The following STK32B variants were observed in gnomAD, a reference collection of about 807,000 sequenced individuals.
STK32B encodes the protein serine/threonine-protein kinase 32B.
Under a neutral mutation model 52.6 loss-of-function variants are expected in STK32B, and 43 were observed. The ratio of observed to expected loss-of-function variants is 0.82; its 90% confidence interval spans 0.64 to 1.05. The LOEUF (loss-of-function observed/expected upper bound fraction) is 1.05. Ranked by LOEUF, STK32B falls within the 50% of genes least tolerant of loss-of-function variation. The probability of loss-of-function intolerance (pLI) is 0.00; values close to 1 mark genes in which losing one functional copy is unlikely to be tolerated. For synonymous variants in STK32B, 238 were observed against 204.3 expected (o/e 1.17, Z -1.41); for missense variants, 621 against 534.6 (o/e 1.16, Z -1.59).
intron 3 of STK32B, among the ~76,000 whole-genome samples, chr4:5,291,413 G>A (rs1728885880): frequency 6.6e-6 from 1 of 151,966 alleles, no homozygotes. Flanking sequence ...ATCTTTTAAT[G>A]CTATTTTAAA....
At chr4:5,246,894 G>T (rs1725494264) in intron 3 of STK32B, among the ~76,000 whole-genome samples, 1 of 152,192 alleles carries the variant, frequency 6.6e-6, no homozygotes, top group Non-Finnish European at 1.5e-5. Context: ...AGTGGATATT[G>T]GTGAGCCGCA....
intron 11 of STK32B, among the ~76,000 whole-genome samples, chr4:5,498,505 C>A (rs1223292257): frequency 6.6e-6 from 1 of 152,074 alleles, no homozygotes; most frequent in Non-Finnish European, 1.5e-5. Context: ...CCAGAGGATC[C>A]CCTGCTCCTA....
At chr4:5,370,098 C>A (rs189540861) in intron 4 of STK32B, among the ~76,000 whole-genome samples, 3 of 151,718 alleles carry the variant, frequency 2.0e-5, no homozygotes, top group Non-Finnish European at 4.4e-5. Flanking sequence ...CTGTCTCGAA[C>A]TCCTGACCTC....
At chr4:5,350,044 A>T (rs1481497675) in intron 4 of STK32B, among the ~76,000 whole-genome samples, 1 of 152,350 alleles carries the variant, frequency 6.6e-6, no homozygotes, top group East Asian at 1.9e-4. Context: ...ATAGAGAAGG[A>T]AGGGAAATAA....
chr4:5,317,558 T>TATATATATAA (rs1200055898), intron 3 of STK32B, among the ~76,000 whole-genome samples: 1 of 122,874 alleles, frequency 8.1e-6, no homozygotes, highest in African/African-American at 3.6e-5. Flanking sequence ...TATATATATA[T>TATATATATAA]AACTTGAAAA....
intron 3 of STK32B, among the ~76,000 whole-genome samples, chr4:5,193,992 A>T (rs376543551): frequency 2.0e-5 from 3 of 152,252 alleles, no homozygotes; most frequent in African/African-American, 7.2e-5. Context: ...TTGGCTTTGC[A>T]CATGTTCTAT....
intron 3 of STK32B, among the ~76,000 whole-genome samples, chr4:5,241,330 A>G (rs1725005402): frequency 6.6e-6 from 1 of 152,160 alleles, no homozygotes; most frequent in Admixed American, 6.5e-5. Flanking sequence ...TCGTTGCCCC[A>G]TGTACCATTA....
At chr4:5,160,568 G>T (rs570739655) in intron 2 of STK32B, among the ~76,000 whole-genome samples, 1 of 152,130 alleles carries the variant, frequency 6.6e-6, no homozygotes, top group African/African-American at 2.4e-5. Flanking sequence ...CCCATATCTG[G>T]TTTAGGATCC....
chr4:5,461,890 CCT>C (rs1321215483), intron 9 of STK32B, among the ~76,000 whole-genome samples: 1 of 152,224 alleles, frequency 6.6e-6, no homozygotes, highest in Non-Finnish European at 1.5e-5. Flanking sequence ...CATGGTGCTG[CCT>C]CTGAGTTCAG....
intron 11 of STK32B, among the ~76,000 whole-genome samples, chr4:5,497,710 GCA>G (rs3078910): frequency 0.47 from 70,363 of 148,826 alleles, 18,118 homozygotes; most frequent in African/African-American, 0.72. Context: ...CCCACTGTGC[GCA>G]CACACACACA....
At chr4:5,382,612 A>G (rs887796238) in intron 4 of STK32B, among the ~76,000 whole-genome samples, 1 of 152,050 alleles carries the variant, frequency 6.6e-6, no homozygotes, top group East Asian at 1.9e-4. Flanking sequence ...GTTCTCAGTA[A>G]AAAGACCCCA....
chr4:5,357,427 G>T (rs1323685935), intron 4 of STK32B, among the ~76,000 whole-genome samples: 1 of 152,156 alleles, frequency 6.6e-6, no homozygotes, highest in Non-Finnish European at 1.5e-5. Flanking sequence ...GATTTGGGAG[G>T]TGCCAGGTCA....
At chr4:5,044,978 C>G in the STK32B span, among the ~76,000 whole-genome samples, 1 of 152,176 alleles carries the variant, frequency 6.6e-6, no homozygotes, top group Admixed American at 6.5e-5. Flanking sequence ...TCCCTACCAC[C>G]CCAACCCCCA....
At chr4:5,489,953 A>C (rs925134818) in intron 11 of STK32B, among the ~76,000 whole-genome samples, 1 of 152,218 alleles carries the variant, frequency 6.6e-6, no homozygotes, top group Non-Finnish European at 1.5e-5. Context: ...AGACATATAT[A>C]CATACAAATG....
At chr4:5,247,358 A>G (rs1560257123) in intron 3 of STK32B, among the ~76,000 whole-genome samples, 1 of 152,230 alleles carries the variant, frequency 6.6e-6, no homozygotes, top group Non-Finnish European at 1.5e-5. Flanking sequence ...CCATAGGCGT[A>G]GGACCCTCTG....
intron 3 of STK32B, among the ~76,000 whole-genome samples, chr4:5,288,662 G>C (rs900694585): frequency 6.6e-6 from 1 of 152,082 alleles, no homozygotes; most frequent in Non-Finnish European, 1.5e-5. Flanking sequence ...TATAGAATTT[G>C]CAAGTGAGGT....
chr4:5,302,798 T>C (rs111242146), intron 3 of STK32B, among the ~76,000 whole-genome samples: 20,876 of 151,656 alleles, frequency 0.14, 2,884 homozygotes, highest in African/African-American at 0.36. Flanking sequence ...TGTATCATTC[T>C]TATTCCTTTG....
intron 1 of STK32B, among the ~76,000 whole-genome samples, chr4:5,093,905 C>G (rs1713240543): frequency 6.6e-6 from 1 of 152,088 alleles, no homozygotes; most frequent in East Asian, 1.9e-4. Flanking sequence ...TTCCAAGAAG[C>G]AGAGAAAAGT....
chr4:5,428,653 T>G lies in STK32B; in HGVS notation c.562+11719T>G, dbSNP rs149253590. Among the ~76,000 whole-genome samples the G allele has an allele frequency of 4.3e-3, 660 of 152,318 alleles. 4 individuals are homozygous for G. Among genetic ancestry groups the G allele is most frequent in the African/African-American group, 0.015 (619 of 41,564 alleles). ...GGTCCTGTGTTCTATAAATGTCAAT[T>G]AGGTCAAGTTATTTGATAACATTGC... On this transcript the variant is annotated intron_variant, in intron 6 of 11. Transcript: ENST00000282908.
Sources: allele counts gnomAD v4.1 joint callset (sites outside exome capture counted in the v4.1 genomes callset), GRCh38; gene constraint gnomAD v4.1.1; transcripts MANE v1.5; gene names NCBI Gene and HGNC (gene_info 2026-07-23, HGNC 2026-07-21).